EBF3: variants seen among roughly 807,000 people sequenced by gnomAD.
The protein encoded by EBF3 is EBF transcription factor 3.
A neutral mutation model predicts 77.1 loss-of-function variants in EBF3; 18 were observed. The ratio of observed to expected loss-of-function variants is 0.23; its 90% CI spans 0.16 to 0.35. EBF3 has a LOEUF of 0.35. Ranked by LOEUF, EBF3 falls within the 10% of genes least tolerant of loss-of-function variation. EBF3 has a pLI of 1.00. For synonymous variants in EBF3, 350 were observed against 343.5 expected, an observed-to-expected ratio of 1.02 and a Z score of -0.21; for missense variants, 558 against 860.0, an observed-to-expected ratio of 0.65 and a Z score of 4.39.
At position 129,837,814 on chromosome 10, in the gene EBF3, T is replaced by C. The variant is rs1038015871; in HGVS notation, c.*129A>G. ...AACAAAGTCTTTTGTAGCATTTCAA[T>C]TGCTGCTGATTTTTTTGAAGATACT... On this transcript the variant is annotated 3_prime_UTR_variant, in exon 17 of 17. Coordinates refer to ENST00000440978, the MANE Select transcript of EBF3 (RefSeq NM_001375380.1). The C allele has an allele frequency of 4.0e-6, 5 of 1,245,042 alleles. No homozygotes were observed. The African/African-American group carries it at 4.5e-5, about 11-fold the overall frequency. 77.1% of individuals were successfully genotyped at this position (1,245,042 alleles called of 1,614,324 possible).
intron 10 of EBF3, among the ~76,000 whole-genome samples, chr10:129,851,777 G>A (rs902642910): frequency 2.6e-5 from 4 of 152,188 alleles, no homozygotes; most frequent in African/African-American, 9.7e-5. Flanking sequence ...TGTATCAAAA[G>A]TCATAAAACA....
In EBF3 at chr10:129,841,021, G is replaced by C; in HGVS notation, c.1384C>G (p.Arg462Gly). 2 of 1,599,404 alleles carry C rather than the reference G, an allele frequency of 1.3e-6. No individual in the cohort carries two copies. The highest frequency in any genetic ancestry group is 8.5e-7 in the Non-Finnish European group (1 of 1,173,742). Residue 462 changes from arginine (R) to glycine (G), a missense_variant, in exon 14 of 17, where the codon CGC (arginine) becomes GGC (glycine). Arg to Gly is a moderately radical substitution (Grantham distance 125). Around this residue, in one of 5 missense-constraint regions of EBF3, gnomAD observed 284 missense variants for 368.3 expected, o/e 0.77. Transcript: ENST00000440978. The surrounding 1 kb of genome is among the most constrained non-coding windows in gnomAD (Gnocchi z 4.6). Reference protein sequence around the residue: ...SQANDQVGYSRNTSSVSPRGY... With the variant: ...SQANDQVGYSGNTSSVSPRGY... Reference sequence around the variant, plus strand: ...CGCGGGGACACGCTGCTTGTATTGCGACTGTAGCCGACTGTTGAAATCCCC... The same window carrying C: ...CGCGGGGACACGCTGCTTGTATTGCCACTGTAGCCGACTGTTGAAATCCCC...
At chr10:129,896,628 G>A (rs1488883472) in intron 6 of EBF3, among the ~76,000 whole-genome samples, 1 of 152,242 alleles carries the variant, frequency 6.6e-6, no homozygotes, top group Non-Finnish European at 1.5e-5. Context: ...GCCTCCCGGA[G>A]GCGGTGCACC....
In EBF3 at chr10:129,863,138, T is replaced by G. The variant is rs1375541835; in HGVS notation, c.1039+4003A>C. ...AACTGGCAATTACATACAGAGTGAT[T>G]GTTAATTCTGCTCCTAAGTGCTAGC... On this transcript the variant is annotated intron_variant, in intron 10 of 16. Transcript: ENST00000440978. The surrounding 1 kb of genome is among the most constrained non-coding windows in gnomAD (Gnocchi z 4.0). 6.6e-6 allele frequency among the ~76,000 whole-genome samples: 1 copy of G among 152,236 alleles called. No homozygotes were observed. The highest frequency in any genetic ancestry group is 2.4e-5 in the African/African-American group (1 of 41,466).
At chr10:129,925,092 GT>G in intron 6 of EBF3, among the ~76,000 whole-genome samples, 1 of 109,554 alleles carries the variant, frequency 9.1e-6, no homozygotes, top group South Asian at 2.6e-4. Context: ...ACGCGTGTGT[GT>G]GTGTGTGTGT....
intron 10 of EBF3, among the ~76,000 whole-genome samples, chr10:129,853,950 G>A (rs775105782): frequency 7.2e-5 from 11 of 152,208 alleles, no homozygotes; most frequent in Admixed American, 2.0e-4. Context: ...GTGCGGTGAA[G>A]AATGTTTTTC....
chr10:129,895,736 C>T (rs1854326154), intron 6 of EBF3, among the ~76,000 whole-genome samples: 1 of 152,028 alleles, frequency 6.6e-6, no homozygotes, highest in Non-Finnish European at 1.5e-5. Context: ...GATACTTGTG[C>T]CATTTTAAAA....
intron 6 of EBF3, among the ~76,000 whole-genome samples, chr10:129,929,924 G>C (rs1328944334): frequency 1.3e-5 from 2 of 152,206 alleles, no homozygotes; most frequent in Non-Finnish European, 2.9e-5. Context: ...AGAGGAGCTT[G>C]GGGTGTGAGT....
intron 6 of EBF3, among the ~76,000 whole-genome samples, chr10:129,882,165 A>AT (rs1345988595): frequency 6.6e-6 from 1 of 152,278 alleles, no homozygotes; most frequent in African/African-American, 2.4e-5. Flanking sequence ...TATGAAGCTG[A>AT]TTAACCAGAG....
intron 10 of EBF3, among the ~76,000 whole-genome samples, chr10:129,856,966 G>A (rs1435504747): frequency 6.6e-6 from 1 of 152,152 alleles, no homozygotes; most frequent in East Asian, 1.9e-4. Context: ...ATAAAGATGT[G>A]TCCAGTGCCT....
Position 129,963,249 on chromosome 10 carries a change from G to T in EBF3, c.291+118C>A. 7.1e-7 allele frequency: 1 copy of T among 1,404,586 alleles called. No homozygotes were observed. 87.0% of individuals were successfully genotyped at this position (1,404,586 alleles called of 1,614,324 possible). A position where few individuals can be genotyped will look rare whatever the true frequency, so the allele number is the denominator to read the frequency against. On this transcript the variant is annotated intron_variant, in intron 2 of 16. Transcript: ENST00000440978. The surrounding 1 kb of genome is among the most constrained non-coding windows in gnomAD (Gnocchi z 7.1). ...CGGGCGGCCGCACGTGGCGGCGGCG[G>T]GGTGGCCTGGCGGAGCCGAGCCCGC... is the stretch of plus-strand genomic sequence containing the variant.
chr10:129,839,803 C>CTGCTT (rs1849881506), intron 15 of EBF3, among the ~76,000 whole-genome samples: 1 of 152,354 alleles, frequency 6.6e-6, no homozygotes, highest in East Asian at 1.9e-4. Context: ...GCTATTTTCG[C>CTGCTT]TGCTTTGTGC....
chr10:129,891,134 T>C (rs913308856), intron 6 of EBF3, among the ~76,000 whole-genome samples: 14 of 152,342 alleles, frequency 9.2e-5, no homozygotes, highest in Non-Finnish European at 1.8e-4. Context: ...TACCGGGATA[T>C]AGTGTAATAC....
intron 6 of EBF3, among the ~76,000 whole-genome samples, chr10:129,914,975 C>T (rs895517348): frequency 1.3e-5 from 2 of 152,204 alleles, no homozygotes; most frequent in African/African-American, 4.8e-5. Context: ...AGAGAACATG[C>T]TTTGCATGGC....
rs534205600 is a variant in EBF3 at position 129,952,384 on chromosome 10, A to T, written c.554+4874T>A. Reference sequence around the variant, plus strand: ...CTGAATAGAAAACCTTGGATCCCTAAATGATGTGTAATTAATATTATTTTT... The same window carrying T: ...CTGAATAGAAAACCTTGGATCCCTATATGATGTGTAATTAATATTATTTTT... On this transcript the variant is annotated intron_variant, in intron 6 of 16. Transcript: ENST00000440978. The surrounding 1 kb of genome is among the most constrained non-coding windows in gnomAD (Gnocchi z 4.7). Among the ~76,000 whole-genome samples the T allele has an allele frequency of 6.6e-6, 1 of 152,340 alleles. No individual in the cohort carries two copies. The highest frequency in any genetic ancestry group is 2.1e-4 in the South Asian group (1 of 4,830).
At chr10:129,853,349 AG>A (rs1307274859) in intron 10 of EBF3, among the ~76,000 whole-genome samples, 2 of 152,248 alleles carry the variant, frequency 1.3e-5, no homozygotes, top group Admixed American at 1.3e-4. Flanking sequence ...CAATAAAAAC[AG>A]GAAGACATTC....
rs1851889015 is a variant in EBF3, at chr10:129,864,936, G to A, written c.1039+2205C>T. Among the ~76,000 whole-genome samples the A allele has an allele frequency of 6.6e-6, 1 of 152,218 alleles. No individual in the cohort carries two copies. The highest frequency in any genetic ancestry group is 1.5e-5 in the Non-Finnish European group (1 of 68,046). ...GAGTGCCTGCCATGTGTTAGACACT[G>A]TACATAAGTCATCCCCGATCCTTGC... On this transcript the variant is annotated intron_variant, in intron 10 of 16. Coordinates refer to ENST00000440978, the MANE Select transcript of EBF3 (RefSeq NM_001375380.1). The surrounding 1 kb of genome is among the most constrained non-coding windows in gnomAD (Gnocchi z 4.4).
At chr10:129,912,362 G>T (rs546614501) in intron 6 of EBF3, among the ~76,000 whole-genome samples, 1 of 152,280 alleles carries the variant, frequency 6.6e-6, no homozygotes, top group East Asian at 1.9e-4. Context: ...ATGCAGAGCT[G>T]CCTGCTCACC....
rs1403573575 is a variant in EBF3, at chr10:129,870,685, TGGCTTATCCTGTGGCCAG to T, written c.781+2749_781+2766del. Among the ~76,000 whole-genome samples, 4 of 152,046 alleles carry T rather than the reference TGGCTTATCCTGTGGCCAG, an allele frequency of 2.6e-5. No homozygotes were observed. The highest frequency in any genetic ancestry group is 4.4e-5 in the Non-Finnish European group (3 of 68,000). On this transcript the variant is annotated intron_variant, in intron 8 of 16. Transcript: ENST00000440978. The surrounding 1 kb of genome is among the most constrained non-coding windows in gnomAD (Gnocchi z 4.4). ...GGCTCTCCCCAGGGCCTGCGGGGAC[TGGCTTATCCTGTGGCCAG>T]GGAGCCCAATGGCTGGGATGAGCAT...
Sources: allele counts gnomAD v4.1 joint callset (sites outside exome capture counted in the v4.1 genomes callset), GRCh38; gene constraint gnomAD v4.1.1; regional missense constraint gnomAD v4.1.1; non-coding constraint Gnocchi (gnomAD v3.1); transcripts MANE v1.5; gene names NCBI Gene and HGNC (gene_info 2026-07-23, HGNC 2026-07-21).